Variants in TMTC1 observed in about 807,000 individuals in gnomAD.
TMTC1 encodes the protein transmembrane O-mannosyltransferase targeting cadherins 1.
Under a neutral mutation model 104.8 loss-of-function variants are expected in TMTC1, and 73 were observed. The ratio of observed to expected loss-of-function variants is 0.70; its 90% CI spans 0.58 to 0.85. TMTC1 has a LOEUF of 0.85. Ranked by LOEUF, TMTC1 falls within the 40% of genes least tolerant of loss-of-function variation. TMTC1 has a pLI of 0.00. For missense variants in TMTC1, 1,035 were observed against 1,096.1 expected, an observed-to-expected ratio of 0.94 and a Z score of 0.79; for synonymous variants, 434 against 428.7, an observed-to-expected ratio of 1.01 and a Z score of -0.15.
chr12:29,536,514 A>G (rs1232460953), intron 10 of TMTC1, among the ~76,000 whole-genome samples, 197 bp from the exon 11 acceptor site: 2 of 152,212 alleles, frequency 1.3e-5, no homozygotes, highest in Non-Finnish European at 1.5e-5. Context: ...CCATGGAAAG[A>G]GATGTAAAGA....
intron 4 of TMTC1, among the ~76,000 whole-genome samples, chr12:29,752,176 A>G (rs1943108976): frequency 6.6e-6 from 1 of 150,826 alleles, no homozygotes; most frequent in South Asian, 2.1e-4. Context: ...TTCACCCCTC[A>G]CCCTCCAAAT....
intron 10 of TMTC1, among the ~76,000 whole-genome samples, chr12:29,554,887 C>T (rs568383410): frequency 2.0e-5 from 3 of 152,064 alleles, no homozygotes; most frequent in African/African-American, 7.2e-5. Flanking sequence ...AGAAGCACAC[C>T]GAATGTGTTT....
chr12:29,695,275 T>G (rs1315090428), intron 5 of TMTC1, among the ~76,000 whole-genome samples: 1 of 152,028 alleles, frequency 6.6e-6, no homozygotes, highest in East Asian at 1.9e-4. Flanking sequence ...GCAAAGACCA[T>G]TTTTTGGAAA....
intron 10 of TMTC1, among the ~76,000 whole-genome samples, chr12:29,550,155 T>C (rs1430107730): frequency 1.3e-5 from 2 of 151,508 alleles, no homozygotes; most frequent in Admixed American, 6.6e-5. Flanking sequence ...AGTATGATAA[T>C]GAAAAAAAAA....
chr12:29,782,164 C>T (rs1397198009), intron 1 of TMTC1, among the ~76,000 whole-genome samples: 5 of 152,314 alleles, frequency 3.3e-5, no homozygotes, highest in African/African-American at 1.2e-4. Context: ...GCGAGGTTAG[C>T]CAAGGTTATC....
intron 5 of TMTC1, among the ~76,000 whole-genome samples, chr12:29,691,784 G>A (rs1041032626): frequency 9.2e-5 from 13 of 141,178 alleles, no homozygotes; most frequent in South Asian, 9.1e-4. Context: ...GAGGACACAA[G>A]TGAGTGTGCT....
At chr12:29,771,965 T>C (rs1282276786) in intron 1 of TMTC1, among the ~76,000 whole-genome samples, 3 of 152,276 alleles carry the variant, frequency 2.0e-5, no homozygotes, top group Admixed American at 6.5e-5. Context: ...TATCATACAA[T>C]AGGCATTCAG....
chr12:29,623,568 A>G (rs1272276214), intron 6 of TMTC1, among the ~76,000 whole-genome samples: 1 of 152,216 alleles, frequency 6.6e-6, no homozygotes, highest in Non-Finnish European at 1.5e-5. Context: ...TAATCCCAAC[A>G]CTTTGGGAGG....
intron 5 of TMTC1, among the ~76,000 whole-genome samples, chr12:29,663,749 T>G (rs538886123): frequency 6.7e-6 from 1 of 149,064 alleles, no homozygotes; most frequent in Non-Finnish European, 1.5e-5. Flanking sequence ...ACTCCTGACC[T>G]CAGGTGATCC....
chr12:29,629,359 GC>G, intron 6 of TMTC1, among the ~76,000 whole-genome samples: 1 of 151,608 alleles, frequency 6.6e-6, no homozygotes, highest in Non-Finnish European at 1.5e-5. Flanking sequence ...ACCTGGAAGT[GC>G]CTCCACCCTT....
intron 11 of TMTC1, 174 bp from the exon 12 acceptor site, chr12:29,520,894 A>G (rs1944132619): frequency 1.7e-6 from 1 of 585,306 alleles, no homozygotes; most frequent in Non-Finnish European, 3.0e-6. Context: ...GGCAATATTA[A>G]CTGTGTACAA....
intron 8 of TMTC1, among the ~76,000 whole-genome samples, chr12:29,575,914 CT>C (rs1285905678): frequency 2.6e-5 from 4 of 152,170 alleles, no homozygotes; most frequent in Non-Finnish European, 5.9e-5. Context: ...CTTGTTATCT[CT>C]TGTGTTTATG....
intron 5 of TMTC1, among the ~76,000 whole-genome samples, chr12:29,731,715 C>T (rs538608505): frequency 3.9e-5 from 6 of 152,234 alleles, no homozygotes; most frequent in South Asian, 4.1e-4. Context: ...TGAAATGCTG[C>T]GATACAGCTA....
At chr12:29,688,386 C>T (rs1431219511) in intron 5 of TMTC1, among the ~76,000 whole-genome samples, 4 of 152,198 alleles carry the variant, frequency 2.6e-5, no homozygotes, top group Non-Finnish European at 5.9e-5. Flanking sequence ...CATTGTGATT[C>T]TACCAAGTAA....
intron 17 of TMTC1, among the ~76,000 whole-genome samples, chr12:29,507,905 T>A (rs148747084): frequency 1.8e-3 from 268 of 152,364 alleles, no homozygotes; most frequent in Non-Finnish European, 2.9e-3. Context: ...ATAGCTCCCA[T>A]GTGGATAAAC....
At chr12:29,723,971 A>C (rs1942310829) in intron 5 of TMTC1, among the ~76,000 whole-genome samples, 1 of 152,232 alleles carries the variant, frequency 6.6e-6, no homozygotes, top group Non-Finnish European at 1.5e-5. Context: ...AAATGTTTAG[A>C]AAACAATATG....
At chr12:29,695,824 T>G (rs1376320553) in intron 5 of TMTC1, among the ~76,000 whole-genome samples, 6 of 90,778 alleles carry the variant, frequency 6.6e-5, no homozygotes, top group Admixed American at 9.6e-5. Context: ...TATATATATA[T>G]ATATAACCTG....
intron 11 of TMTC1, among the ~76,000 whole-genome samples, chr12:29,529,664 C>T (rs972624370): frequency 2.6e-5 from 4 of 152,114 alleles, no homozygotes; most frequent in Non-Finnish European, 5.9e-5. Flanking sequence ...GTTTTCTCAC[C>T]CTCTTCTTTG....
intron 5 of TMTC1, among the ~76,000 whole-genome samples, chr12:29,717,266 G>C (rs1942110756): frequency 6.6e-6 from 1 of 152,124 alleles, no homozygotes; most frequent in African/African-American, 2.4e-5. Flanking sequence ...AATGTGAGAA[G>C]GCGTTCACGG....
Sources: allele counts gnomAD v4.1 joint callset (sites outside exome capture counted in the v4.1 genomes callset), GRCh38; gene constraint gnomAD v4.1.1; transcripts MANE v1.5; gene names NCBI Gene and HGNC (gene_info 2026-07-23, HGNC 2026-07-21).